Variants in ERO1B observed in about 807,000 individuals in gnomAD.
The protein encoded by ERO1B is endoplasmic reticulum oxidoreductase 1 beta.
ERO1B carries 49 observed loss-of-function variants against 75.3 expected under a neutral mutation model. The ratio of observed to expected loss-of-function variants is 0.65; its 90% CI spans 0.52 to 0.83. The LOEUF (loss-of-function observed/expected upper bound fraction) is 0.83, where lower values mean the gene tolerates loss of function less well. Ranked by LOEUF, ERO1B falls within the 40% of genes least tolerant of loss-of-function variation. ERO1B has a pLI of 0.00. For synonymous variants in ERO1B, 191 were observed against 192.9 expected (o/e 0.99, Z 0.08); for missense variants, 512 against 560.1 (o/e 0.91, Z 0.87).
Position 236,218,363 on chromosome 1 carries a change from TA to T in ERO1B, c.*152del, listed in dbSNP as rs1664049649. 1.8e-6 allele frequency: 1 copy of T among 544,026 alleles called. No individual in the cohort carries two copies. The highest frequency in any genetic ancestry group is 2.0e-5 in the African/African-American group (1 of 50,124). The allele number at this position is 544,026 out of a possible 1,614,324, so 33.7% of individuals were successfully genotyped here. On this transcript the variant is annotated 3_prime_UTR_variant, in exon 16 of 16. Coordinates refer to ENST00000354619, the MANE Select transcript of ERO1B (RefSeq NM_019891.4). ...ATATCTCTAGTTGATAATAATCTAT[TA>T]AGAATCATAAATATTCAAGTGAGCA...
intron 1 of ERO1B, among the ~76,000 whole-genome samples, chr1:236,278,499 A>G (rs1665756594): frequency 6.6e-6 from 1 of 152,102 alleles, no homozygotes; most frequent in Non-Finnish European, 1.5e-5. Context: ...CACTCCATGC[A>G]ACTGCTAAAG....
intron 2 of ERO1B, among the ~76,000 whole-genome samples, chr1:236,267,417 A>G (rs1036618790): frequency 4.3e-4 from 66 of 152,236 alleles, no homozygotes; most frequent in African/African-American, 1.6e-3. Flanking sequence ...TGTGAAGATT[A>G]AACGAGATAT....
chr1:236,228,915 T>C (rs1027755643), intron 10 of ERO1B, among the ~76,000 whole-genome samples: 1 of 152,200 alleles, frequency 6.6e-6, no homozygotes, highest in African/African-American at 2.4e-5. Context: ...TCCAATATTG[T>C]TTCTAAATTT....
chr1:236,258,939 T>C (rs1377721073), intron 2 of ERO1B, among the ~76,000 whole-genome samples: 1 of 152,064 alleles, frequency 6.6e-6, no homozygotes, highest in Admixed American at 6.6e-5. Flanking sequence ...CTAGTAAAAG[T>C]AAGCATACAA....
At chr1:236,257,260 A>G (rs1172019471) in intron 2 of ERO1B, among the ~76,000 whole-genome samples, 1 of 152,196 alleles carries the variant, frequency 6.6e-6, no homozygotes, top group Non-Finnish European at 1.5e-5. Context: ...GTCTAACAAG[A>G]CTAGAGAAGG....
chr1:236,227,544 T>C (rs867867950), intron 10 of ERO1B, among the ~76,000 whole-genome samples: 2 of 152,326 alleles, frequency 1.3e-5, no homozygotes, highest in Middle Eastern at 6.8e-3. Flanking sequence ...TAAATAAAAA[T>C]GCAGAAAATT....
intron 4 of ERO1B, among the ~76,000 whole-genome samples, chr1:236,251,035 G>A (rs151037674): frequency 6.6e-6 from 1 of 152,062 alleles, no homozygotes; most frequent in Non-Finnish European, 1.5e-5. Flanking sequence ...TCCATCAATA[G>A]AGGAATGGCT....
At chr1:236,251,132 G>T (rs909262948) in intron 4 of ERO1B, among the ~76,000 whole-genome samples, 1 of 151,818 alleles carries the variant, frequency 6.6e-6, no homozygotes, top group African/African-American at 2.4e-5. Flanking sequence ...TTTCAAAAGT[G>T]TAAGACTGAG....
intron 10 of ERO1B, among the ~76,000 whole-genome samples, chr1:236,229,919 C>T (rs765538057): frequency 6.6e-6 from 1 of 152,108 alleles, no homozygotes. Flanking sequence ...TTTGCATACT[C>T]GTTACTAGAG....
At chr1:236,235,194 ATTG>A (rs774840850) in intron 8 of ERO1B, among the ~76,000 whole-genome samples, 56 of 152,312 alleles carry the variant, frequency 3.7e-4, no homozygotes, top group Non-Finnish European at 6.5e-4. Flanking sequence ...AGTTTCTAAA[ATTG>A]TTGTACATTT....
chr1:236,230,433 G>A (rs947987595), intron 9 of ERO1B, among the ~76,000 whole-genome samples, 183 bp from the exon 10 acceptor site: 3 of 151,756 alleles, frequency 2.0e-5, no homozygotes, highest in African/African-American at 7.2e-5. Context: ...CCAACATGGC[G>A]AAACCCCATC....
intron 1 of ERO1B, 67 bp downstream of exon 1, chr1:236,281,614 CG>C: frequency 3.1e-5 from 32 of 1,021,416 alleles, no homozygotes; most frequent in South Asian, 5.1e-5. Flanking sequence ...GCGTCACAGC[CG>C]CGGCCCGTGT....
chr1:236,220,015 C>A (rs1167240114), intron 15 of ERO1B, among the ~76,000 whole-genome samples: 1 of 128,610 alleles, frequency 7.8e-6, no homozygotes, highest in African/African-American at 3.1e-5. Context: ...CAGAGCGAGA[C>A]CCTCATCTCT....
At chr1:236,269,563 G>T (rs1407124813) in intron 2 of ERO1B, among the ~76,000 whole-genome samples, 2 of 152,182 alleles carry the variant, frequency 1.3e-5, no homozygotes, top group Non-Finnish European at 2.9e-5. Flanking sequence ...CTGAGTAGGT[G>T]TGTCCAGATG....
chr1:236,242,899 T>G (rs1049382292), intron 6 of ERO1B, among the ~76,000 whole-genome samples: 2 of 152,130 alleles, frequency 1.3e-5, no homozygotes, highest in African/African-American at 2.4e-5. Context: ...AGGGGACTCT[T>G]GGAAAAAGGG....
intron 15 of ERO1B, 34 bp from the exon 16 acceptor site, chr1:236,218,610 T>C: frequency 7.7e-7 from 1 of 1,306,884 alleles, no homozygotes; most frequent in Non-Finnish European, 1.0e-6. Flanking sequence ...TTAGTAAGGC[T>C]AACATGTTGC....
chr1:236,235,656 T>G, intron 8 of ERO1B, 133 bp downstream of exon 8: 1 of 754,728 alleles, frequency 1.3e-6, no homozygotes, highest in Non-Finnish European at 2.1e-6. Flanking sequence ...GACTATGAAC[T>G]AATCTTACAC....
intron 6 of ERO1B, among the ~76,000 whole-genome samples, chr1:236,241,240 A>C (rs1425985268): frequency 6.6e-6 from 1 of 152,190 alleles, no homozygotes; most frequent in Non-Finnish European, 1.5e-5. Flanking sequence ...CTACCCTGAC[A>C]GTAATTTTAA....
intron 2 of ERO1B, among the ~76,000 whole-genome samples, chr1:236,259,682 G>A (rs1379815327): frequency 6.9e-5 from 10 of 145,040 alleles, no homozygotes; most frequent in Middle Eastern, 6.8e-3. Flanking sequence ...TTATCAAGAA[G>A]TTACAAAAAC....
Sources: allele counts gnomAD v4.1 joint callset (sites outside exome capture counted in the v4.1 genomes callset), GRCh38; gene constraint gnomAD v4.1.1; transcripts MANE v1.5; gene names NCBI Gene and HGNC (gene_info 2026-07-23, HGNC 2026-07-21).